The following SLC12A7 variants were observed in gnomAD, a reference collection of about 807,000 sequenced individuals.
SLC12A7 encodes the protein solute carrier family 12 member 7.
A neutral mutation model predicts 120.6 loss-of-function variants in SLC12A7; 100 were observed. The ratio of observed to expected loss-of-function variants is 0.83; its 90% CI spans 0.71 to 0.98. The LOEUF (loss-of-function observed/expected upper bound fraction) is 0.98. Ranked by LOEUF, SLC12A7 falls within the 50% of genes least tolerant of loss-of-function variation. The probability of loss-of-function intolerance (pLI) is 0.00; values close to 1 mark genes in which losing one functional copy is unlikely to be tolerated. For missense variants in SLC12A7, 1,373 were observed against 1,548.1 expected (o/e 0.89, Z 1.90); for synonymous variants, 760 against 678.0 (o/e 1.12, Z -1.88).
rs1451029995 is a variant in SLC12A7 at position 1,075,350 on chromosome 5, AGG to A, written c.1967+19_1967+20del. On this transcript the variant is annotated intron_variant, in intron 15 of 23. Transcript: ENST00000264930. ...CGCCCTCCCGTGCGCCGGGTCTGTAAGGGGGGCTGACAGCGCTTACCCGCGGT... is the reference window on the plus strand; with the variant it reads ...CGCCCTCCCGTGCGCCGGGTCTGTAAGGGGCTGACAGCGCTTACCCGCGGT... 6.2e-7 allele frequency: 1 copy of A among 1,604,900 alleles called. No homozygotes were observed. Among genetic ancestry groups the A allele is most frequent in the East Asian group, 2.2e-5 (1 of 44,618 alleles).
In SLC12A7 at chr5:1,065,639, GTGTGTGTA is replaced by G. The variant is rs1190594930; in HGVS notation, c.2242-169_2242-162del. 6.6e-5 allele frequency among the ~76,000 whole-genome samples: 10 copies of G among 152,172 alleles called. No individual in the cohort carries two copies. The South Asian group carries it at 1.0e-3, about 16-fold the overall frequency. ...GTGTGCTGCGGTGCTCCCGGCCGCTGTGTGTGTATGTGTGTATGTGCGTGCTCACACAC... is the reference window on the plus strand; with the variant it reads ...GTGTGCTGCGGTGCTCCCGGCCGCTGTGTGTGTATGTGCGTGCTCACACAC... On this transcript the variant is annotated intron_variant, in intron 17 of 23. Coordinates refer to ENST00000264930, the MANE Select transcript of SLC12A7 (RefSeq NM_006598.3).
intron 17 of SLC12A7, among the ~76,000 whole-genome samples, chr5:1,069,424 G>A (rs1285159396): frequency 1.3e-5 from 2 of 152,222 alleles, no homozygotes; most frequent in Non-Finnish European, 2.9e-5. Flanking sequence ...GGCGGCTGCA[G>A]ATGCCTGGAC....
chr5:1,140,460 G>A, the SLC12A7 span, among the ~76,000 whole-genome samples: 1 of 151,722 alleles, frequency 6.6e-6, no homozygotes, highest in African/African-American at 2.4e-5. Context: ...CAGCGAGGCG[G>A]TGCTCCCTGC....
chr5:1,129,722 C>T, the SLC12A7 span, among the ~76,000 whole-genome samples: 5 of 152,156 alleles, frequency 3.3e-5, no homozygotes, highest in Non-Finnish European at 7.3e-5. Flanking sequence ...CAGGGGTCAC[C>T]CTGATGGGAT....
chr5:1,052,220 T>G lies in SLC12A7; in HGVS notation c.*140A>C. The G allele has an allele frequency of 1.4e-6, 1 of 727,982 alleles. No individual in the cohort carries two copies. The highest frequency in any genetic ancestry group is 2.4e-6 in the Non-Finnish European group (1 of 413,602). 45.1% of individuals were successfully genotyped at this position (727,982 alleles called of 1,614,324 possible). A position where few individuals can be genotyped will look rare whatever the true frequency, so the allele number is the denominator to read the frequency against. ...TAGGTGACGGGCCTAGAAACTTCCG[T>G]AGGAAGCCCCATGGGCAGCTTGGGC... On this transcript the variant is annotated 3_prime_UTR_variant, in exon 24 of 24. Transcript: ENST00000264930.
the SLC12A7 span, among the ~76,000 whole-genome samples, chr5:1,137,585 A>G: frequency 6.6e-6 from 1 of 151,622 alleles, no homozygotes; most frequent in Non-Finnish European, 1.5e-5. Context: ...GCACTGAATG[A>G]CCCCGTTCCC....
At chr5:1,144,687 T>C in the SLC12A7 span, among the ~76,000 whole-genome samples, 108,464 of 152,112 alleles carry the variant, frequency 0.71, 39,014 homozygotes, top group African/African-American at 0.79. Context: ...TTAACACCTG[T>C]ACCACTTCCA....
At chr5:1,053,870 C>CA (rs1735316866) in intron 22 of SLC12A7, among the ~76,000 whole-genome samples, 1 of 152,244 alleles carries the variant, frequency 6.6e-6, no homozygotes, top group Non-Finnish European at 1.5e-5. Flanking sequence ...TCAAGGCTGA[C>CA]ACGCTTCTCT....
At chr5:1,140,730 G>A in the SLC12A7 span, among the ~76,000 whole-genome samples, 7 of 152,392 alleles carry the variant, frequency 4.6e-5, no homozygotes, top group South Asian at 1.0e-3. Context: ...GCCCCGGGGA[G>A]GGCTCAGGTG....
At chr5:1,087,245 G>A (rs1461381574) in intron 5 of SLC12A7, among the ~76,000 whole-genome samples, 1 of 152,148 alleles carries the variant, frequency 6.6e-6, no homozygotes. Flanking sequence ...CCAAGAGCAC[G>A]CGCTCTCATG....
intron 3 of SLC12A7, among the ~76,000 whole-genome samples, chr5:1,093,245 G>C (rs992806466): frequency 6.6e-6 from 1 of 152,156 alleles, no homozygotes; most frequent in Admixed American, 6.5e-5. Context: ...GGATGGGGCC[G>C]CTCCCGCAGA....
chr5:1,150,291 G>A, the SLC12A7 span, among the ~76,000 whole-genome samples: 8 of 94,838 alleles, frequency 8.4e-5, no homozygotes, highest in South Asian at 6.6e-4. Flanking sequence ...CCCCTCCCCC[G>A]ACCCCGATAG....
chr5:1,141,015 C>T, the SLC12A7 span, among the ~76,000 whole-genome samples: 2 of 152,222 alleles, frequency 1.3e-5, no homozygotes, highest in Admixed American at 6.5e-5. Flanking sequence ...TATACCAATA[C>T]GCTCGGGCCG....
the SLC12A7 span, among the ~76,000 whole-genome samples, chr5:1,134,121 G>A: frequency 3.3e-5 from 5 of 152,182 alleles, no homozygotes; most frequent in African/African-American, 1.2e-4. Flanking sequence ...AGAGAACTGG[G>A]TGGCTCTCCC....
At chr5:1,122,986 G>A in the SLC12A7 span, among the ~76,000 whole-genome samples, 5 of 152,368 alleles carry the variant, frequency 3.3e-5, no homozygotes, top group Admixed American at 6.5e-5. Context: ...GCCTGGGGGC[G>A]CGGGGCCTGA....
At chr5:1,100,792 C>T (rs745618904) in intron 1 of SLC12A7, among the ~76,000 whole-genome samples, 25 of 152,190 alleles carry the variant, frequency 1.6e-4, no homozygotes, top group Non-Finnish European at 2.9e-4. Flanking sequence ...CTGCCACAGT[C>T]GTCAAAAAAA....
chr5:1,108,702 C>T (rs1191536258), intron 1 of SLC12A7, among the ~76,000 whole-genome samples: 3 of 152,260 alleles, frequency 2.0e-5, no homozygotes, highest in South Asian at 2.1e-4. Flanking sequence ...CGGCGTGCAC[C>T]GTCTCGCCAT....
rs779437706 is a variant in SLC12A7 at position 1,073,664 on chromosome 5, T to G, written c.2210A>C (p.Asp737Ala). 6.2e-7 allele frequency: 1 copy of G among 1,603,448 alleles called. No individual in the cohort carries two copies. The highest frequency in any genetic ancestry group is 1.1e-5 in the South Asian group (1 of 90,452). The change falls in exon 17 of 24, where the codon GAC becomes GCC. Residue 737 changes from aspartate (D) to alanine (A), a missense_variant. Asp to Ala is a moderately radical substitution (Grantham distance 126). Coordinates refer to ENST00000264930, the MANE Select transcript of SLC12A7 (RefSeq NM_006598.3). ...GGCCCGCTGAGCCTCCATGTGCTTG[T>G]CCAGGTACGTCCCCTCCAGCACCGA... ...VGSVLEGTYL[D>A]KHMEAQRAEE... is the part of the protein sequence containing the mutation.
chr5:1,057,213 C>T (rs1255778358), intron 22 of SLC12A7: 14 of 463,302 alleles, frequency 3.0e-5, no homozygotes, highest in Admixed American at 1.6e-4. Context: ...ACTTGGCACC[C>T]AGGTCTTACA....
Sources: gnomAD v4.1 joint callset for allele counts (sites outside exome capture counted in the v4.1 genomes callset) on GRCh38, gnomAD v4.1.1 for gene constraint, MANE v1.5 for transcripts, NCBI Gene and HGNC (gene_info 2026-07-23, HGNC 2026-07-21) for gene names.